The following RYR2 variants were observed in gnomAD, a reference collection of about 807,000 sequenced individuals.
The protein encoded by RYR2 is ryanodine receptor 2.
RYR2 carries 227 observed loss-of-function variants against 601.1 expected under a neutral mutation model. The ratio of observed to expected loss-of-function variants is 0.38; its 90% CI spans 0.34 to 0.42. The LOEUF (loss-of-function observed/expected upper bound fraction) is 0.42, where lower values mean the gene tolerates loss of function less well. RYR2 is among the 10% of genes least tolerant of loss of function. The pLI, the probability that RYR2 is intolerant of heterozygous loss-of-function variation, is 1.00. For synonymous variants in RYR2, 2,223 were observed against 2,175.1 expected (o/e 1.02, Z -0.61); for missense variants, 4,646 against 6,156.5 (o/e 0.75, Z 8.21).
At chr1:237,641,919 A>C (rs557490478) in intron 47 of RYR2, among the ~76,000 whole-genome samples, 1 of 152,308 alleles carries the variant, frequency 6.6e-6, no homozygotes, top group South Asian at 2.1e-4. Flanking sequence ...TCTGTAATAC[A>C]TTCTGATATT....
At chr1:237,043,237 G>C (rs1558131859) in intron 1 of RYR2, among the ~76,000 whole-genome samples, 1 of 152,214 alleles carries the variant, frequency 6.6e-6, no homozygotes, top group African/African-American at 2.4e-5. Flanking sequence ...TGCCATCCGT[G>C]GTGGTGCTGT....
At chr1:237,447,241 A>G (rs1410464475) in intron 14 of RYR2, among the ~76,000 whole-genome samples, 1 of 152,208 alleles carries the variant, frequency 6.6e-6, no homozygotes, top group Non-Finnish European at 1.5e-5. Flanking sequence ...GAAAGCTACT[A>G]TCTCAGTGTT....
In RYR2 at chr1:237,707,255, T is replaced by C. The variant is rs876661390; in HGVS notation, c.9887T>C (p.Met3296Thr). 6.5e-7 allele frequency: 1 copy of C among 1,537,096 alleles called. No individual in the cohort carries two copies. ...NNLGIDEGAW[M>T]KRLAVFSQPI... ...TTGGGGATTGATGAGGGAGCCTGGA[T>C]GAAGAGGCTAGCAGGTAAGAACTGG... is the stretch of plus-strand genomic sequence containing the variant. The change falls in exon 68 of 105, where the codon ATG becomes ACG. Residue 3296 changes from methionine to threonine, a missense_variant. Around this residue, in one of 17 missense-constraint regions of RYR2, gnomAD observed 1,497 missense variants for 1,842.6 expected, o/e 0.81. Coordinates refer to ENST00000366574, the MANE Select transcript of RYR2 (RefSeq NM_001035.3).
At chr1:237,419,361 T>C (rs1705330928) in intron 11 of RYR2, among the ~76,000 whole-genome samples, 1 of 152,172 alleles carries the variant, frequency 6.6e-6, no homozygotes, top group African/African-American at 2.4e-5. Flanking sequence ...TTGTTATCGA[T>C]ACTATTGATG....
chr1:237,582,566 A>G (rs560009481), intron 29 of RYR2, among the ~76,000 whole-genome samples: 2 of 152,110 alleles, frequency 1.3e-5, no homozygotes, highest in Non-Finnish European at 2.9e-5. Flanking sequence ...ATAATTTTGC[A>G]ACCCTTGTCC....
intron 35 of RYR2, among the ~76,000 whole-genome samples, chr1:237,605,615 G>C (rs1415546958): frequency 1.3e-5 from 2 of 152,076 alleles, no homozygotes; most frequent in Non-Finnish European, 2.9e-5. Context: ...TAGGAAAAGA[G>C]GAAGTCAAAT....
In RYR2 at chr1:237,477,172, C is replaced by CACG. The variant is rs1473041873; in HGVS notation, c.1708+7987_1708+7989dup. 6.6e-5 allele frequency among the ~76,000 whole-genome samples: 10 copies of CACG among 152,244 alleles called. No homozygotes were observed. In the East Asian group the frequency reaches 1.9e-3, roughly 29 times the overall value. ...CTTTGGGAGGCCGAGGCAGGCGGAT[C>CACG]ACGAGGTCAAGAGATGGAGACCATC... On this transcript the variant is annotated intron_variant, in intron 17 of 104. Transcript: ENST00000366574.
At chr1:237,045,592 T>C (rs866213507) in intron 1 of RYR2, among the ~76,000 whole-genome samples, 1 of 152,212 alleles carries the variant, frequency 6.6e-6, no homozygotes, top group Non-Finnish European at 1.5e-5. Context: ...ACACTTATTT[T>C]ATGAGAGAAA....
chr1:237,709,112 T>C lies in RYR2; in HGVS notation c.10142+14T>C, dbSNP rs559185469. 2 of 1,541,098 alleles carry C rather than the reference T, an allele frequency of 1.3e-6. No individual in the cohort carries two copies. The highest frequency in any genetic ancestry group is 2.1e-5 in the Admixed American group (1 of 46,804). On this transcript the variant is annotated intron_variant, in intron 69 of 104. Coordinates refer to ENST00000366574, the MANE Select transcript of RYR2 (RefSeq NM_001035.3). ...GGACTATAACAGGTATGATCAAAAG[T>C]AATTTAGTAATTTCTCCAATTCGGT...
chr1:237,795,836 G>GTGTATATATATATA (rs371932356), intron 96 of RYR2, among the ~76,000 whole-genome samples: 8,779 of 132,428 alleles, frequency 0.066, 440 homozygotes, highest in East Asian at 0.17. Flanking sequence ...GTGTGTGTGT[G>GTGTATATATATATA]TATATATATA....
intron 6 of RYR2, among the ~76,000 whole-genome samples, chr1:237,371,687 C>T (rs7551979): frequency 5.7e-4 from 87 of 152,138 alleles, no homozygotes; most frequent in African/African-American, 2.0e-3. Flanking sequence ...GAAAATGTGG[C>T]ACATATACGC....
intron 1 of RYR2, among the ~76,000 whole-genome samples, chr1:237,103,454 C>T (rs1668340078): frequency 6.6e-6 from 1 of 152,218 alleles, no homozygotes; most frequent in Non-Finnish European, 1.5e-5. Flanking sequence ...CAGGTTAGGG[C>T]TACCTCAGGT....
intron 101 of RYR2, among the ~76,000 whole-genome samples, chr1:237,820,504 C>T (rs1229123738): frequency 6.6e-6 from 1 of 152,210 alleles, no homozygotes; most frequent in Non-Finnish European, 1.5e-5. Context: ...AGATACCATG[C>T]TTTTCCCATG....
At chr1:237,589,754 A>C (rs1208501611) in intron 29 of RYR2, 39 bp from the exon 30 acceptor site, 1 of 1,571,428 alleles carries the variant, frequency 6.4e-7, no homozygotes, top group East Asian at 2.3e-5. Flanking sequence ...AGGATCATAT[A>C]CTAATGGTAC....
At chr1:237,160,557 T>C (rs1217015507) in intron 1 of RYR2, among the ~76,000 whole-genome samples, 1 of 152,126 alleles carries the variant, frequency 6.6e-6, no homozygotes, top group Non-Finnish European at 1.5e-5. Context: ...GTGGTTGTTT[T>C]GTTTTTTAAT....
chr1:237,805,713 TA>T (rs58628498), intron 98 of RYR2, among the ~76,000 whole-genome samples: 122,413 of 151,336 alleles, frequency 0.81, 49,992 homozygotes, highest in African/African-American at 0.88. Context: ...TACCTAGTGA[TA>T]TTTTGATAAA....
chr1:237,126,130 G>A (rs1671385832), intron 1 of RYR2, among the ~76,000 whole-genome samples: 1 of 152,058 alleles, frequency 6.6e-6, no homozygotes, highest in South Asian at 2.1e-4. Context: ...CCAGCTACTC[G>A]GGAGGCTGAC....
Position 237,787,548 on chromosome 1 carries a change from C to T in RYR2, c.13329-440C>T, listed in dbSNP as rs146172046. On this transcript the variant is annotated intron_variant, in intron 91 of 104. Coordinates refer to ENST00000366574, the MANE Select transcript of RYR2 (RefSeq NM_001035.3). ...TGGAGGTTGCAGTGAGCTGAGATGG[C>T]GCCCCTGCATTCCAGCCTGGGTGAC... Among the ~76,000 whole-genome samples, 165 of 147,142 alleles carry T rather than the reference C, an allele frequency of 1.1e-3. 5 individuals carry two copies. The East Asian group carries it at 0.03, about 27-fold the overall frequency.
At chr1:237,200,109 A>G (rs1681017465) in intron 1 of RYR2, among the ~76,000 whole-genome samples, 1 of 152,178 alleles carries the variant, frequency 6.6e-6, no homozygotes, top group South Asian at 2.1e-4. Flanking sequence ...AGGTTAAGTA[A>G]TTTACCCAAA....
Sources: allele counts gnomAD v4.1 joint callset (sites outside exome capture counted in the v4.1 genomes callset), GRCh38; gene constraint gnomAD v4.1.1; regional missense constraint gnomAD v4.1.1; transcripts MANE v1.5; gene names NCBI Gene and HGNC (gene_info 2026-07-23, HGNC 2026-07-21).